Variants in MFSD8 observed in about 807,000 individuals in gnomAD.
MFSD8 encodes the protein major facilitator superfamily domain containing 8, also known as major facilitator superfamily domain-containing protein 8.
A neutral mutation model predicts 66.4 loss-of-function variants in MFSD8; 55 were observed. The ratio of observed to expected loss-of-function variants is 0.83; its 90% CI spans 0.67 to 1.04. The LOEUF is 1.04. MFSD8 is among the 50% of genes least tolerant of loss of function. MFSD8 has a pLI of 0.00. For synonymous variants in MFSD8, 202 were observed against 212.8 expected (o/e 0.95, Z 0.44); for missense variants, 550 against 627.6 (o/e 0.88, Z 1.32).
intron 6 of MFSD8, chr4:127,939,635 T>C (rs892743936): frequency 1.0e-5 from 3 of 285,948 alleles, no homozygotes; most frequent in South Asian, 7.1e-5. Flanking sequence ...AAAAAAAACT[T>C]TGAATCTTCA....
intron 1 of MFSD8, among the ~76,000 whole-genome samples, chr4:127,958,841 C>A (rs540385078): frequency 1.3e-5 from 2 of 152,136 alleles, no homozygotes; most frequent in South Asian, 4.2e-4. Flanking sequence ...CTTTTAATGA[C>A]AAATGACAAT....
At chr4:127,955,314 C>T (rs1310398588) in intron 2 of MFSD8, among the ~76,000 whole-genome samples, 2 of 151,446 alleles carry the variant, frequency 1.3e-5, no homozygotes, top group South Asian at 2.1e-4. Context: ...AGGCTGAGGC[C>T]GGTGGATCAC....
chr4:127,940,892 A>G (rs930908908), intron 5 of MFSD8, among the ~76,000 whole-genome samples: 5 of 152,192 alleles, frequency 3.3e-5, no homozygotes, highest in African/African-American at 1.2e-4. Context: ...ACTAGCATAC[A>G]GTAAGCACAC....
At chr4:127,923,611 G>A (rs917225766) in intron 9 of MFSD8, among the ~76,000 whole-genome samples, 50 of 143,776 alleles carry the variant, frequency 3.5e-4, no homozygotes, top group African/African-American at 1.2e-3. Flanking sequence ...ACAGAGTCTT[G>A]CTCTGTCGCC....
chr4:127,922,620 G>A (rs11943527), intron 9 of MFSD8, among the ~76,000 whole-genome samples: 4,043 of 149,902 alleles, frequency 0.027, 154 homozygotes, highest in African/African-American at 0.094. Context: ...GCAAGACCCT[G>A]TCGCCAAAAA....
At chr4:127,963,663 C>T (rs1744243700) in intron 1 of MFSD8, among the ~76,000 whole-genome samples, 5 of 152,190 alleles carry the variant, frequency 3.3e-5, no homozygotes, top group Admixed American at 3.3e-4. Context: ...AAACTGCAGA[C>T]CTTCGCGGTG....
chr4:127,938,592 A>AAAATAAATAAAT (rs376661613), intron 7 of MFSD8, among the ~76,000 whole-genome samples, 191 bp downstream of exon 7: 3 of 131,010 alleles, frequency 2.3e-5, no homozygotes, highest in East Asian at 2.1e-4. Flanking sequence ...CAAAAAAAAA[A>AAAATAAATAAAT]AAATAAATAA....
intron 9 of MFSD8, among the ~76,000 whole-genome samples, chr4:127,923,474 A>C (rs1736647403): frequency 6.6e-6 from 1 of 151,912 alleles, no homozygotes; most frequent in African/African-American, 2.4e-5. Context: ...TCAGGGATGA[A>C]GCAGATTTGA....
At chr4:127,946,351 T>G (rs913854534) in intron 3 of MFSD8, among the ~76,000 whole-genome samples, 8 of 152,148 alleles carry the variant, frequency 5.3e-5, no homozygotes, top group African/African-American at 1.9e-4. Context: ...GAATTTTGAC[T>G]AAAAAGACTA....
chr4:127,944,361 T>C (rs1740688289), intron 3 of MFSD8, among the ~76,000 whole-genome samples: 2 of 152,194 alleles, frequency 1.3e-5, no homozygotes, highest in Admixed American at 6.5e-5. Flanking sequence ...TTTAGACTTA[T>C]GCTACCCTAT....
chr4:127,942,044 C>T lies in MFSD8; in HGVS notation c.553+1G>A, dbSNP rs1553950197. 1 of 1,611,316 alleles carries T rather than the reference C, an allele frequency of 6.2e-7. No individual in the cohort carries two copies. The highest frequency in any genetic ancestry group is 8.5e-7 in the Non-Finnish European group (1 of 1,177,608). On this transcript the variant is annotated splice_donor_variant, in intron 5 of 11. Transcript: ENST00000641686. LOFTEE classifies it high-confidence loss of function. ...AGTAATGACATGTGAAGAACACCTA[C>T]CTGGACCTAGAATAAAACCTAATGC...
At chr4:127,923,556 TTATTATTATTATTATTA>T (rs1276718959) in intron 9 of MFSD8, among the ~76,000 whole-genome samples, 2 of 70,618 alleles carry the variant, frequency 2.8e-5, no homozygotes, top group African/African-American at 1.1e-4. Flanking sequence ...TTTTTATTTA[TTATTATTATTATTATTA>T]TTATTATTAT....
rs148864710 is a variant in MFSD8 at position 127,921,554 on chromosome 4, T to C, written c.1320A>G (p.Leu440=). Residue 440 remains leucine, a synonymous_variant, in exon 11 of 12, where the codon CTA becomes CTG. Transcript: ENST00000641686. ...GTTTTGGTCCTAGAATTTTTGAATA[T>C]AGAGTATAGGACATAAGATTGCAGA... The part of the protein sequence containing the change: ...YPVCNLMSYT[L]YSKILGPKPQ... 49 of 1,614,052 alleles carry C rather than the reference T, an allele frequency of 3.0e-5. No homozygotes were observed. Among genetic ancestry groups the C allele is most frequent in the South Asian group, 1.1e-5 (1 of 91,092 alleles).
At position 127,921,867 on chromosome 4, in the gene MFSD8, C is replaced by G; in HGVS notation, c.1095G>C (p.Gln365His). The G allele has an allele frequency of 6.2e-7, 1 of 1,614,004 alleles. No individual in the cohort carries two copies. The highest frequency in any genetic ancestry group is 8.5e-7 in the Non-Finnish European group (1 of 1,179,912). ...AATTATGTATGGCTATACCTTCCCACTGTATTTTGGGAAATTGATTTCCCC... is the reference window on the plus strand; with the variant it reads ...AATTATGTATGGCTATACCTTCCCAGTGTATTTTGGGAAATTGATTTCCCC... ...LPWGNQFPKIQWEDLHNNSIP... is the reference protein window; with the variant it reads ...LPWGNQFPKIHWEDLHNNSIP... Residue 365 changes from glutamine to histidine, a missense_variant, in exon 10 of 12, where the codon CAG (glutamine) becomes CAC (histidine). Transcript: ENST00000641686.
chr4:127,921,128 C>A, intron 11 of MFSD8: 1 of 554,820 alleles, frequency 1.8e-6, no homozygotes, highest in Admixed American at 3.2e-5. Flanking sequence ...CTGCTACATG[C>A]CAGTCACTGA....
intron 2 of MFSD8, among the ~76,000 whole-genome samples, chr4:127,952,948 A>C (rs542329872): frequency 6.6e-6 from 1 of 152,188 alleles, no homozygotes; most frequent in South Asian, 2.1e-4. Context: ...GTTTCTTATA[A>C]TTTTAGATAA....
Position 127,964,998 on chromosome 4 carries a change from C to T in MFSD8, c.62+74G>A, listed in dbSNP as rs112684433. 9.0e-6 allele frequency: 14 copies of T among 1,549,804 alleles called. No individual in the cohort carries two copies. The African/African-American group carries it at 1.4e-4, about 15-fold the overall frequency. Reference sequence around the variant, plus strand: ...CTGGCAGCGAGGGTTTGTCCCAGTGCGGGTGACGCCCGGAAAGGAACCAGT... The same window carrying T: ...CTGGCAGCGAGGGTTTGTCCCAGTGTGGGTGACGCCCGGAAAGGAACCAGT... On this transcript the variant is annotated intron_variant, in intron 1 of 11. Transcript: ENST00000641686.
At position 127,924,906 on chromosome 4, in the gene MFSD8, G is replaced by A. The variant is rs1736942048; in HGVS notation, c.999-2943C>T. Among the ~76,000 whole-genome samples the A allele has an allele frequency of 3.3e-5, 5 of 152,008 alleles. No individual in the cohort carries two copies. The South Asian group carries it at 1.0e-3, about 32-fold the overall frequency. On this transcript the variant is annotated intron_variant, in intron 9 of 11. Coordinates refer to ENST00000641686, the MANE Select transcript of MFSD8 (RefSeq NM_001371596.2). Reference sequence around the variant, plus strand: ...TACCAAAACAGATATATAGACCAATGGAACAGAATAGAGGCCTCAGAAATA... The same window carrying A: ...TACCAAAACAGATATATAGACCAATAGAACAGAATAGAGGCCTCAGAAATA...
chr4:127,960,169 T>C (rs1743508700), intron 1 of MFSD8, among the ~76,000 whole-genome samples: 1 of 152,178 alleles, frequency 6.6e-6, no homozygotes, highest in Non-Finnish European at 1.5e-5. Flanking sequence ...GTCAAACTTG[T>C]GACTTAAAAA....
Sources: allele counts gnomAD v4.1 joint callset (sites outside exome capture counted in the v4.1 genomes callset), GRCh38; gene constraint gnomAD v4.1.1; transcripts MANE v1.5; gene names NCBI Gene and HGNC (gene_info 2026-07-23, HGNC 2026-07-21).